FARP1: variants seen among roughly 807,000 people sequenced by gnomAD.
The protein encoded by FARP1 is FERM, ARHGEF and pleckstrin domain-containing protein 1.
A neutral mutation model predicts 128.8 loss-of-function variants in FARP1; 52 were observed. The observed-to-expected ratio is 0.40, with a 90% CI of 0.32 to 0.51. FARP1 has a LOEUF of 0.51. Ranked by LOEUF, FARP1 falls within the 20% of genes least tolerant of loss-of-function variation. The pLI, the probability that FARP1 is intolerant of heterozygous loss-of-function variation, is 0.45. For synonymous variants in FARP1, 580 were observed against 551.8 expected (o/e 1.05, Z -0.72); for missense variants, 1,333 against 1,367.9 (o/e 0.97, Z 0.40).
chr13:98,213,464 T>C, intron 2 of FARP1, 51 bp downstream of exon 2: 1 of 1,577,350 alleles, frequency 6.3e-7, no homozygotes, highest in Non-Finnish European at 8.6e-7. Context: ...GGACAGCCTT[T>C]GGTGTGAGGA....
chr13:98,368,228 A>G (rs748365506), intron 5 of FARP1, 33 bp downstream of exon 5: 2 of 1,458,480 alleles, frequency 1.4e-6, no homozygotes, highest in East Asian at 2.3e-5. Flanking sequence ...ATTTTTTGCT[A>G]CAGAGTACAG....
At position 98,431,186 on chromosome 13, in the gene FARP1, G is replaced by T; in HGVS notation, c.2049G>T (p.Leu683=). The part of the protein sequence containing the change: ...VCYLPLNTFL[L]RPLHRLMHYK... ...ACCTACCGCTCAACACCTTCCTCCTGCGGCCACTGCACCGGCTCATGCACT... is the reference window on the plus strand; with the variant it reads ...ACCTACCGCTCAACACCTTCCTCCTTCGGCCACTGCACCGGCTCATGCACT... Residue 683 remains leucine (L), a synonymous_variant, in exon 18 of 27, where the codon CTG becomes CTT. Coordinates refer to ENST00000319562, the MANE Select transcript of FARP1 (RefSeq NM_005766.4). 1 of 1,613,324 alleles carries T rather than the reference G, an allele frequency of 6.2e-7. No individual in the cohort carries two copies. The highest frequency in any genetic ancestry group is 1.3e-5 in the African/African-American group (1 of 75,042).
At chr13:98,223,236 C>G (rs565110476) in intron 2 of FARP1, among the ~76,000 whole-genome samples, 1 of 152,200 alleles carries the variant, frequency 6.6e-6, no homozygotes, top group Non-Finnish European at 1.5e-5. Flanking sequence ...GAGAAGTCAA[C>G]TCTGTGACAA....
At chr13:98,272,819 A>T (rs1444322318) in intron 2 of FARP1, among the ~76,000 whole-genome samples, 1 of 152,228 alleles carries the variant, frequency 6.6e-6, no homozygotes, top group African/African-American at 2.4e-5. Flanking sequence ...GAGTGGGGCC[A>T]TGGGGCAGAA....
rs145039947 is a variant in FARP1 at position 98,247,707 on chromosome 13, G to A, written c.171+34294G>A. 2.0e-4 allele frequency among the ~76,000 whole-genome samples: 31 copies of A among 152,282 alleles called. No individual in the cohort carries two copies. The East Asian group carries it at 5.2e-3, about 26-fold the overall frequency. On this transcript the variant is annotated intron_variant, in intron 2 of 26. Transcript: ENST00000319562. ...GTTGACCCCAGCTTCCACCTTCAACGGATTCCAGGCAGTTCACGAGGAGCC... is the reference window on the plus strand; with the variant it reads ...GTTGACCCCAGCTTCCACCTTCAACAGATTCCAGGCAGTTCACGAGGAGCC...
At chr13:98,190,726 T>A (rs776600474) in intron 1 of FARP1, among the ~76,000 whole-genome samples, 1 of 122,342 alleles carries the variant, frequency 8.2e-6, no homozygotes, top group African/African-American at 2.9e-5. Flanking sequence ...CATGCCCAGC[T>A]TTTTAAGTTT....
chr13:98,236,112 A>G (rs958844971), intron 2 of FARP1, among the ~76,000 whole-genome samples: 2 of 152,214 alleles, frequency 1.3e-5, no homozygotes, highest in African/African-American at 2.4e-5. Context: ...ATCATCCTAT[A>G]TGTGGCCTTT....
intron 3 of FARP1, 46 bp downstream of exon 3, chr13:98,343,912 T>C (rs1303414475): frequency 2.4e-6 from 3 of 1,267,062 alleles, no homozygotes; most frequent in South Asian, 1.2e-5. Context: ...TCTGTTCATC[T>C]TGGTGGGGGG....
At chr13:98,351,114 C>G (rs1391945094) in intron 3 of FARP1, among the ~76,000 whole-genome samples, 1 of 151,010 alleles carries the variant, frequency 6.6e-6, no homozygotes, top group South Asian at 2.1e-4. Flanking sequence ...CCCCCTCCCC[C>G]TCTCCCTCTG....
intron 3 of FARP1, among the ~76,000 whole-genome samples, chr13:98,349,024 G>T (rs966185331): frequency 2.0e-5 from 3 of 152,224 alleles, no homozygotes; most frequent in Non-Finnish European, 4.4e-5. Context: ...TCTCCCGTCG[G>T]AAAGAGCTGC....
At chr13:98,324,127 T>C (rs1887126060) in intron 2 of FARP1, among the ~76,000 whole-genome samples, 2 of 152,212 alleles carry the variant, frequency 1.3e-5, no homozygotes, top group African/African-American at 2.4e-5. Context: ...ATGCGTACAT[T>C]GAAGTTATGT....
intron 1 of FARP1, among the ~76,000 whole-genome samples, chr13:98,201,564 T>A (rs948398088): frequency 6.6e-6 from 1 of 152,204 alleles, no homozygotes; most frequent in African/African-American, 2.4e-5. Flanking sequence ...GGCAGATGGT[T>A]GAAATGCCTT....
intron 4 of FARP1, among the ~76,000 whole-genome samples, chr13:98,366,066 C>G (rs531112915): frequency 2.6e-5 from 4 of 152,166 alleles, no homozygotes; most frequent in Admixed American, 6.5e-5. Flanking sequence ...CTTCCCCTCT[C>G]TATGCTTTGA....
At chr13:98,416,734 G>A (rs11840111) in intron 16 of FARP1, among the ~76,000 whole-genome samples, 7,956 of 152,256 alleles carry the variant, frequency 0.052, 551 homozygotes, top group African/African-American at 0.16. Flanking sequence ...GGCAGAGGCT[G>A]AGTGCAAGGT....
chr13:98,225,732 T>TA (rs1881721006), intron 2 of FARP1, among the ~76,000 whole-genome samples: 1 of 152,262 alleles, frequency 6.6e-6, no homozygotes, highest in African/African-American at 2.4e-5. Flanking sequence ...ACCGGGCTGT[T>TA]AGAGTCTTTA....
At chr13:98,238,301 C>T (rs1425980269) in intron 2 of FARP1, among the ~76,000 whole-genome samples, 4 of 152,136 alleles carry the variant, frequency 2.6e-5, no homozygotes, top group Admixed American at 6.5e-5. Flanking sequence ...CTTGAGGTGA[C>T]GCTGTTGAGG....
Position 98,281,491 on chromosome 13 carries a change from T to C in FARP1, c.172-62271T>C, listed in dbSNP as rs1884935871. ...ACAGTGCAGTTATTTGCACCTGGCC[T>C]GGATCTCCTTATTGCCCTCCTGTCA... On this transcript the variant is annotated intron_variant, in intron 2 of 26. Coordinates refer to ENST00000319562, the MANE Select transcript of FARP1 (RefSeq NM_005766.4). Among the ~76,000 whole-genome samples, 7 of 152,358 alleles carry C rather than the reference T, an allele frequency of 4.6e-5. No individual in the cohort carries two copies. The South Asian group carries it at 1.4e-3, about 32-fold the overall frequency.
intron 1 of FARP1, among the ~76,000 whole-genome samples, chr13:98,191,593 T>A (rs1347898835): frequency 6.6e-6 from 1 of 152,242 alleles, no homozygotes; most frequent in Admixed American, 6.5e-5. Context: ...CTTCATTTTA[T>A]TTTCAGTATT....
chr13:98,209,622 C>A (rs1252698168), intron 1 of FARP1, among the ~76,000 whole-genome samples: 2 of 147,820 alleles, frequency 1.4e-5, no homozygotes, highest in Non-Finnish European at 3.0e-5. Flanking sequence ...CATGGTGAAA[C>A]CCTGTCTCTA....
Sources: gnomAD v4.1 joint callset for allele counts (sites outside exome capture counted in the v4.1 genomes callset) on GRCh38, gnomAD v4.1.1 for gene constraint, MANE v1.5 for transcripts, NCBI Gene and HGNC (gene_info 2026-07-23, HGNC 2026-07-21) for gene names.